The following CPZ variants were observed in gnomAD, a reference collection of about 807,000 sequenced individuals.
The protein encoded by CPZ is carboxypeptidase Z.
Under a neutral mutation model 61.8 loss-of-function variants are expected in CPZ, and 103 were observed. That is an observed-to-expected ratio of 1.67 (90% CI 1.42 to 1.96). The LOEUF is 1.96. Among genes scored for constraint, CPZ ranks in the 30% most tolerant of loss-of-function variants. CPZ has a pLI of 0.00. For synonymous variants in CPZ, 551 were observed against 373.7 expected (o/e 1.47, Z -5.47); for missense variants, 1,461 against 914.9 (o/e 1.60, Z -7.70).
chr4:8,615,583 G>A (rs1577128774), intron 9 of CPZ, among the ~76,000 whole-genome samples: 1 of 152,340 alleles, frequency 6.6e-6, no homozygotes. Flanking sequence ...CTGACACCAG[G>A]CCGGGCGGCA....
chr4:8,609,761 A>C (rs554168938), intron 7 of CPZ, among the ~76,000 whole-genome samples: 2 of 152,354 alleles, frequency 1.3e-5, no homozygotes, highest in East Asian at 3.9e-4. Flanking sequence ...GAGCCAGAGA[A>C]AATAACACTG....
intron 9 of CPZ, among the ~76,000 whole-genome samples, chr4:8,616,465 G>C (rs1170315130): frequency 6.6e-6 from 1 of 151,036 alleles, no homozygotes; most frequent in Non-Finnish European, 1.5e-5. Context: ...GGTGGGGCTA[G>C]GGGAGGCAGA....
chr4:8,607,374 C>T lies in CPZ; in HGVS notation c.1176C>T (p.Phe392=), dbSNP rs572014660. The T allele has an allele frequency of 2.5e-6, 4 of 1,614,108 alleles. No homozygotes were observed. Among genetic ancestry groups the T allele is most frequent in the African/African-American group, 1.3e-5 (1 of 75,052 alleles). Residue 392 remains phenylalanine, a synonymous_variant, in exon 7 of 11, where the codon TTC becomes TTT. Coordinates refer to ENST00000360986, the MANE Select transcript of CPZ (RefSeq NM_001014447.3). The part of the protein sequence containing the change: ...GDLVVSYPFD[F]SKHPQEEKMF... The stretch of plus-strand genomic sequence containing the variant: ...TGGTGGTGTCCTACCCCTTCGACTT[C>T]TCCAAGCACCCCCAGGAGGAGAAGA...
At chr4:8,616,865 G>A (rs545798288) in intron 9 of CPZ, among the ~76,000 whole-genome samples, 1 of 152,352 alleles carries the variant, frequency 6.6e-6, no homozygotes, top group African/African-American at 2.4e-5. Context: ...AGCATCCAGG[G>A]TGGGGGTCAC....
intron 1 of CPZ, 87 bp downstream of exon 1, chr4:8,593,008 C>T: frequency 9.2e-7 from 1 of 1,089,802 alleles, no homozygotes; most frequent in Non-Finnish European, 1.3e-6. Context: ...GGCCCGGGAG[C>T]TTTCTTCCAG....
rs1207920661 is a variant in CPZ, at chr4:8,601,350, C to G, written c.349C>G (p.Pro117Ala). ...PRCEGGWVRRPCRHICEGLRE... is the reference protein window; with the variant it reads ...PRCEGGWVRRACRHICEGLRE... The stretch of plus-strand genomic sequence containing the variant: ...GTGTGAGGGCGGCTGGGTGCGCAGA[C>G]CCTGCCGGCACATCTGCGAGGGCCT... The change falls in exon 3 of 11, where the codon CCC (proline) becomes GCC (alanine). Residue 117 changes from proline to alanine, a missense_variant. Pro to Ala is a conservative substitution (Grantham distance 27, BLOSUM62 -1). Coordinates refer to ENST00000360986, the MANE Select transcript of CPZ (RefSeq NM_001014447.3). 1 of 1,604,526 alleles carries G rather than the reference C, an allele frequency of 6.2e-7. No homozygotes were observed. The highest frequency in any genetic ancestry group is 1.7e-5 in the Admixed American group (1 of 59,622).
At position 8,608,754 on chromosome 4, in the gene CPZ, C is replaced by T. The variant is rs113239310; in HGVS notation, c.1227+1329C>T. Among the ~76,000 whole-genome samples the T allele has an allele frequency of 5.9e-5, 9 of 151,874 alleles. 1 individual carries two copies. Among genetic ancestry groups the T allele is most frequent in the African/African-American group, 2.2e-4 (9 of 41,504 alleles). ...GAGGTGGCGGTTTCCCAAAAGGTCTCCACAGGTGAGGTAGAGATTTCCAGC... is the reference window on the plus strand; with the variant it reads ...GAGGTGGCGGTTTCCCAAAAGGTCTTCACAGGTGAGGTAGAGATTTCCAGC... On this transcript the variant is annotated intron_variant, in intron 7 of 10. Coordinates refer to ENST00000360986, the MANE Select transcript of CPZ (RefSeq NM_001014447.3).
chr4:8,601,741 C>T (rs1238674444), intron 3 of CPZ, among the ~76,000 whole-genome samples: 2 of 152,178 alleles, frequency 1.3e-5, no homozygotes, highest in African/African-American at 4.8e-5. Flanking sequence ...AGTCTCCAGC[C>T]CCTTAGAGGC....
intron 1 of CPZ, among the ~76,000 whole-genome samples, chr4:8,598,555 T>A (rs993372387): frequency 4.6e-5 from 7 of 152,164 alleles, no homozygotes; most frequent in Non-Finnish European, 5.9e-5. Flanking sequence ...GTGGGTCACG[T>A]CCCCTTCTCC....
At chr4:8,595,528 G>A (rs143848044) in intron 1 of CPZ, among the ~76,000 whole-genome samples, 9 of 152,332 alleles carry the variant, frequency 5.9e-5, no homozygotes, top group Non-Finnish European at 1.2e-4. Context: ...AGAGGCCTAC[G>A]GAGGCCAAGG....
Position 8,606,143 on chromosome 4 carries a change from G to A in CPZ, c.864G>A (p.Leu288=), listed in dbSNP as rs767323182. The A allele has an allele frequency of 1.9e-6, 3 of 1,614,048 alleles. No individual in the cohort carries two copies. Among genetic ancestry groups the A allele is most frequent in the Non-Finnish European group, 2.5e-6 (3 of 1,180,042 alleles). The change falls in exon 5 of 11, where the codon CTG becomes CTA. Residue 288 remains leucine, a synonymous_variant. Coordinates refer to ENST00000360986, the MANE Select transcript of CPZ (RefSeq NM_001014447.3). ...RLLNTTRIHL[L]PSMNPDGYEV... Reference sequence around the variant, plus strand: ...TCAACACCACCCGCATCCACCTGCTGCCCTCCATGAACCCTGACGGCTATG... The same window carrying A: ...TCAACACCACCCGCATCCACCTGCTACCCTCCATGAACCCTGACGGCTATG...
rs770337063 is a variant in CPZ at position 8,619,522 on chromosome 4, C to T, written c.1864C>T (p.Arg622Cys). 2.0e-5 allele frequency: 32 copies of T among 1,592,802 alleles called. No homozygotes were observed. The highest frequency in any genetic ancestry group is 3.4e-5 in the South Asian group (3 of 88,106). Residue 622 changes from arginine (R) to cysteine (C), a missense_variant, in exon 11 of 11, where the codon CGC becomes TGC. Coordinates refer to ENST00000360986, the MANE Select transcript of CPZ (RefSeq NM_001014447.3). ...CACGGAGCCCGACCCGCTCCGGGCGCGCAGGCAGCCCTCGGCCGACGGGAG... is the reference window on the plus strand; with the variant it reads ...CACGGAGCCCGACCCGCTCCGGGCGTGCAGGCAGCCCTCGGCCGACGGGAG... ...EATEPDPLRA[R>C]RQPSADGSKP...
intron 9 of CPZ, among the ~76,000 whole-genome samples, chr4:8,616,537 G>A (rs568430333): frequency 5.6e-4 from 86 of 152,332 alleles, no homozygotes; most frequent in African/African-American, 1.9e-3. Context: ...TAGGCCCCCA[G>A]TGTGGCTGGT....
intron 7 of CPZ, among the ~76,000 whole-genome samples, chr4:8,609,140 T>TTCACTCACTCACTTCTCATTAACTCAGC (rs1553877626): frequency 2.1e-5 from 1 of 47,308 alleles, no homozygotes; most frequent in African/African-American, 7.2e-5. Context: ...ACTCATTTAC[T>TTCACTCACTCACTTCTCATTAACTCAGC]CATTCACCCA....
chr4:8,619,379 C>T lies in CPZ; in HGVS notation c.1721C>T (p.Ala574Val). 3 of 1,614,226 alleles carry T rather than the reference C, an allele frequency of 1.9e-6. No individual in the cohort carries two copies. The highest frequency in any genetic ancestry group is 2.5e-6 in the Non-Finnish European group (3 of 1,180,026). The change falls in exon 11 of 11, where the codon GCT (alanine) becomes GTT (valine). Residue 574 changes from alanine to valine, a missense_variant. Ala to Val is a moderately conservative substitution (Grantham distance 64, BLOSUM62 0). Transcript: ENST00000360986. ...ATCATCCCCGCCCGGATGAAGAGGG[C>T]TGGCCGTGTGGACTTCATTCTGCAA... ...KVIIPARMKR[A>V]GRVDFILQPL...
At chr4:8,602,023 A>T (rs989163208) in intron 3 of CPZ, 1 of 152,482 alleles carries the variant, frequency 6.6e-6, no homozygotes, top group African/African-American at 2.4e-5. Context: ...GCTTGGAGTG[A>T]CTCCTCCAAG....
At chr4:8,612,197 T>TTGGGGGGGGGGGGGGGGG in intron 8 of CPZ, 35 bp downstream of exon 8, 1 of 99,482 alleles carries the variant, frequency 1.0e-5, no homozygotes, top group Admixed American at 2.7e-4. Flanking sequence ...GGGCGGGGGG[T>TTGGGGGGGGGGGGGGGGG]GGGGGGTGCA....
chr4:8,610,281 T>G (rs1336984070), intron 7 of CPZ, among the ~76,000 whole-genome samples: 1 of 152,226 alleles, frequency 6.6e-6, no homozygotes, highest in Admixed American at 6.5e-5. Flanking sequence ...TCCTCTGATG[T>G]CCTTGTCCTG....
chr4:8,601,662 G>C (rs559109679), intron 3 of CPZ, among the ~76,000 whole-genome samples, 165 bp downstream of exon 3: 5 of 152,312 alleles, frequency 3.3e-5, no homozygotes, highest in Non-Finnish European at 7.4e-5. Flanking sequence ...CCCACAAAAG[G>C]GTGCCAGGCA....
Sources: allele counts gnomAD v4.1 joint callset (sites outside exome capture counted in the v4.1 genomes callset), GRCh38; gene constraint gnomAD v4.1.1; transcripts MANE v1.5; gene names NCBI Gene and HGNC (gene_info 2026-07-23, HGNC 2026-07-21).